Variants in ABCD4 observed in about 807,000 individuals in gnomAD.
ABCD4 encodes ATP binding cassette subfamily D member 4, also known as lysosomal cobalamin transporter ABCD4.
In ABCD4, 53 loss-of-function variants were observed where a neutral mutation model predicts 86.3. The ratio of observed to expected loss-of-function variants is 0.61; its 90% CI spans 0.49 to 0.77. The LOEUF is 0.77. Among genes scored for constraint, ABCD4 ranks in the 30% least tolerant of loss-of-function variants. The probability of loss-of-function intolerance (pLI) is 0.00; values close to 1 mark genes in which losing one functional copy is unlikely to be tolerated. For synonymous variants in ABCD4, 328 were observed against 313.6 expected (o/e 1.05, Z -0.49); for missense variants, 757 against 764.5 (o/e 0.99, Z 0.12).
At chr14:74,288,910 GA>G in intron 14 of ABCD4, 145 bp from the exon 15 acceptor site, 1 of 1,089,510 alleles carries the variant, frequency 9.2e-7, no homozygotes, top group Middle Eastern at 2.4e-4. Flanking sequence ...TCAGGAGATG[GA>G]GACCACCCTG....
intron 1 of ABCD4, 62 bp from the exon 2 acceptor site, chr14:74,300,330 T>G: frequency 9.2e-7 from 1 of 1,084,978 alleles, no homozygotes; most frequent in Non-Finnish European, 1.4e-6. Flanking sequence ...TAGGGAGTAG[T>G]TATTAAGCTC....
chr14:74,295,639 T>A (rs2082663072), intron 6 of ABCD4: 2 of 618,424 alleles, frequency 3.2e-6, no homozygotes, highest in Non-Finnish European at 5.4e-6. Context: ...TTCTCAGGTA[T>A]GATTTCATTA....
intron 11 of ABCD4, among the ~76,000 whole-genome samples, chr14:74,291,511 A>C (rs1001524473): frequency 2.6e-5 from 4 of 152,206 alleles, no homozygotes; most frequent in African/African-American, 9.6e-5. Context: ...GGAGTGGTTA[A>C]AGCTAAATGG....
In ABCD4 at chr14:74,290,128, C is replaced by T. The variant is rs1237786625; in HGVS notation, c.1328-10G>A. 1.3e-5 allele frequency: 21 copies of T among 1,614,132 alleles called. No individual in the cohort carries two copies. Among genetic ancestry groups the T allele is most frequent in the Admixed American group, 1.7e-5 (1 of 60,014 alleles). ...AGCATCTGCACTGAGCCTGCAGAGC[C>T]CACAGAAACCTCCATTGTGAGATCT... On this transcript the variant is annotated splice_polypyrimidine_tract_variant and intron_variant, in intron 12 of 18. Transcript: ENST00000356924.
intron 13 of ABCD4, 76 bp from the exon 14 acceptor site, chr14:74,289,595 CA>C (rs1392743572): frequency 2.5e-6 from 4 of 1,578,270 alleles, no homozygotes; most frequent in Non-Finnish European, 3.4e-6. Flanking sequence ...ACCCTCCCTC[CA>C]GAACCCACTG....
chr14:74,300,304 G>A (rs1159781786), intron 1 of ABCD4, 36 bp from the exon 2 acceptor site: 4 of 1,402,260 alleles, frequency 2.9e-6, no homozygotes, highest in African/African-American at 1.4e-5. Flanking sequence ...AAAAGCCCAA[G>A]ACAATAATTA....
chr14:74,292,793 G>T lies in ABCD4; in HGVS notation c.891C>A (p.Val297=), dbSNP rs1294310893. The T allele has an allele frequency of 6.2e-7, 1 of 1,614,162 alleles. No homozygotes were observed. Among genetic ancestry groups the T allele is most frequent in the Admixed American group, 1.7e-5 (1 of 60,014 alleles). ...GCTCTGCGGGACTCAGGTCTCCATA[G>T]ACCCCGCTGAAAATGGGGATTGCGA... The part of the protein sequence containing the change: ...VVIAIPIFSG[V]YGDLSPAELS... Residue 297 remains valine, a synonymous_variant, in exon 9 of 19, where the codon GTC becomes GTA. Transcript: ENST00000356924.
In ABCD4 at chr14:74,286,439, T is replaced by C. The variant is rs1410516882; in HGVS notation, c.*22A>G. The stretch of plus-strand genomic sequence containing the variant: ...GGCCGCCGACCCGCCACAGTGTGGC[T>C]CTCCTTCCAAAAGCCAGAGCTTCAT... On this transcript the variant is annotated 3_prime_UTR_variant, in exon 19 of 19. Transcript: ENST00000356924. 1 of 1,613,540 alleles carries C rather than the reference T, an allele frequency of 6.2e-7. No homozygotes were observed. The highest frequency in any genetic ancestry group is 8.5e-7 in the Non-Finnish European group (1 of 1,179,628).
At chr14:74,302,830 C>A (rs2085056478) in intron 1 of ABCD4, 45 bp downstream of exon 1, 1 of 1,595,760 alleles carries the variant, frequency 6.3e-7, no homozygotes, top group Admixed American at 1.7e-5. Context: ...TCCCTACAGC[C>A]CGGAACTCCT....
intron 17 of ABCD4, 35 bp downstream of exon 17, chr14:74,287,775 C>T (rs886150143): frequency 8.9e-6 from 14 of 1,579,052 alleles, no homozygotes; most frequent in African/African-American, 5.4e-5. Context: ...GTGCAGACAG[C>T]GCATGGCATG....
chr14:74,294,944 A>C, intron 7 of ABCD4: 1 of 610,292 alleles, frequency 1.6e-6, no homozygotes, highest in South Asian at 2.0e-5. Context: ...GGCCACAGTA[A>C]GGAACCACCA....
intron 4 of ABCD4, chr14:74,297,524 A>C (rs1008730198): frequency 6.2e-6 from 1 of 161,124 alleles, no homozygotes; most frequent in African/African-American, 2.4e-5. Flanking sequence ...TAAGATATAA[A>C]GTATGAAAAG....
intron 4 of ABCD4, 83 bp from the exon 5 acceptor site, chr14:74,296,532 G>T: frequency 8.0e-7 from 1 of 1,255,744 alleles, no homozygotes; most frequent in Non-Finnish European, 1.1e-6. Context: ...CATCACCTCT[G>T]CTCTTGACCT....
intron 15 of ABCD4, 131 bp from the exon 16 acceptor site, chr14:74,288,390 A>C (rs570552591): frequency 2.3e-6 from 2 of 870,598 alleles, no homozygotes; most frequent in African/African-American, 3.4e-5. Flanking sequence ...GTGGCATACC[A>C]AGGCGGGGGA....
chr14:74,291,287 G>T (rs1479692370), intron 11 of ABCD4, among the ~76,000 whole-genome samples: 2 of 152,174 alleles, frequency 1.3e-5, no homozygotes, highest in Non-Finnish European at 2.9e-5. Context: ...GGTAGGGGTG[G>T]AACTTCTACT....
chr14:74,288,360 TA>T, intron 15 of ABCD4, 101 bp from the exon 16 acceptor site: 1 of 1,170,704 alleles, frequency 8.5e-7, no homozygotes, highest in Non-Finnish European at 1.2e-6. Flanking sequence ...CACACACCTC[TA>T]AGACAAATAT....
Position 74,290,350 on chromosome 14 carries a change from G to A in ABCD4, c.1268C>T (p.Thr423Met), listed in dbSNP as rs2081158105. The A allele has an allele frequency of 2.5e-6, 4 of 1,614,156 alleles. No homozygotes were observed. Among genetic ancestry groups the A allele is most frequent in the Non-Finnish European group, 2.5e-6 (3 of 1,180,018 alleles). ...GAGCAAGGAGGTCTTGCCAGTGCCC[G>A]TGTTGCCTGTGATGAGCAGGCTCTG... Reference protein sequence around the residue: ...EGQSLLITGNTGTGKTSLLRV... With the variant: ...EGQSLLITGNMGTGKTSLLRV... The change falls in exon 12 of 19, where the codon ACG becomes ATG. Residue 423 changes from threonine to methionine, a missense_variant. Physicochemically the swap from Thr to Met is moderately conservative, Grantham distance 81. Coordinates refer to ENST00000356924, the MANE Select transcript of ABCD4 (RefSeq NM_005050.4).
intron 11 of ABCD4, 112 bp from the exon 12 acceptor site, chr14:74,290,611 A>G: frequency 1.3e-6 from 1 of 770,942 alleles, no homozygotes; most frequent in South Asian, 1.5e-5. Flanking sequence ...GCTGACTTGC[A>G]TCCTCCCAAA....
At position 74,289,793 on chromosome 14, in the gene ABCD4, T is replaced by C. The variant is rs758208098; in HGVS notation, c.1419+234A>G. On this transcript the variant is annotated intron_variant, in intron 13 of 18. Coordinates refer to ENST00000356924, the MANE Select transcript of ABCD4 (RefSeq NM_005050.4). Reference sequence around the variant, plus strand: ...GGTGTTTGACATACGCGTGTGGTATTTGGCGTGAGTCCTTGCCCCATTTAC... The same window carrying C: ...GGTGTTTGACATACGCGTGTGGTATCTGGCGTGAGTCCTTGCCCCATTTAC... 1.2e-3 allele frequency: 1,722 copies of C among 1,436,588 alleles called. 1 individual carries two copies. Among genetic ancestry groups the C allele is most frequent in the Non-Finnish European group, 1.5e-3 (1,600 of 1,101,306 alleles). 89.0% of individuals were successfully genotyped at this position (1,436,588 alleles called of 1,614,324 possible).
Sources: allele counts gnomAD v4.1 joint callset (sites outside exome capture counted in the v4.1 genomes callset), GRCh38; gene constraint gnomAD v4.1.1; transcripts MANE v1.5; gene names NCBI Gene and HGNC (gene_info 2026-07-23, HGNC 2026-07-21).